EPHA5: variants seen among roughly 807,000 people sequenced by gnomAD.
EPHA5 encodes ephrin type-A receptor 5.
Under a neutral mutation model 105.0 loss-of-function variants are expected in EPHA5, and 60 were observed. The observed-to-expected ratio is 0.57, with a 90% CI of 0.46 to 0.71. The LOEUF is 0.71. EPHA5 is among the 30% of genes least tolerant of loss of function. The pLI, the probability that EPHA5 is intolerant of heterozygous loss-of-function variation, is 0.00. For synonymous variants in EPHA5, 513 were observed against 449.1 expected, an observed-to-expected ratio of 1.14 and a Z score of -1.80; for missense variants, 1,218 against 1,274.7, an observed-to-expected ratio of 0.96 and a Z score of 0.68.
At chr4:65,480,294 G>C (rs1730229006) in intron 5 of EPHA5, among the ~76,000 whole-genome samples, 1 of 152,088 alleles carries the variant, frequency 6.6e-6, no homozygotes, top group Non-Finnish European at 1.5e-5. Flanking sequence ...AACTTCATTG[G>C]AATGCATTAT....
chr4:65,525,899 G>T (rs941876971), intron 3 of EPHA5, among the ~76,000 whole-genome samples: 1 of 151,720 alleles, frequency 6.6e-6, no homozygotes, highest in African/African-American at 2.4e-5. Flanking sequence ...TTTTGGTAGG[G>T]GTCGCTGTCT....
At chr4:65,642,705 A>G (rs1253365178) in intron 2 of EPHA5, among the ~76,000 whole-genome samples, 2 of 151,952 alleles carry the variant, frequency 1.3e-5, no homozygotes, top group Non-Finnish European at 1.5e-5. Context: ...TTGAAAATGA[A>G]AATTTTGCCT....
chr4:65,615,654 A>T (rs1196341476), intron 2 of EPHA5, among the ~76,000 whole-genome samples: 2 of 151,996 alleles, frequency 1.3e-5, no homozygotes, highest in Non-Finnish European at 2.9e-5. Context: ...AAAAGTGTAT[A>T]AATATGGGAA....
intron 4 of EPHA5, 38 bp from the exon 5 acceptor site, chr4:65,490,750 G>T (rs376226283): frequency 6.3e-6 from 10 of 1,584,790 alleles, no homozygotes; most frequent in Non-Finnish European, 8.6e-6. Context: ...CATATTTTAA[G>T]ATGGTATTAA....
intron 3 of EPHA5, among the ~76,000 whole-genome samples, chr4:65,516,250 CAT>C (rs757759114): frequency 4.6e-5 from 7 of 152,040 alleles, no homozygotes; most frequent in Admixed American, 1.3e-4. Context: ...TTGTTTAACA[CAT>C]GTTTTGTATG....
intron 8 of EPHA5, among the ~76,000 whole-genome samples, chr4:65,371,765 C>A (rs1718496310): frequency 6.6e-6 from 1 of 151,974 alleles, no homozygotes; most frequent in African/African-American, 2.4e-5. Flanking sequence ...ACTATCAGAT[C>A]TTTCCATTGC....
At chr4:65,370,434 A>G (rs1416611381) in intron 8 of EPHA5, among the ~76,000 whole-genome samples, 1 of 152,130 alleles carries the variant, frequency 6.6e-6, no homozygotes, top group Non-Finnish European at 1.5e-5. Flanking sequence ...TTATTTAAAT[A>G]ATACTGACAA....
At chr4:65,584,888 T>C (rs1253014536) in intron 3 of EPHA5, among the ~76,000 whole-genome samples, 1 of 152,018 alleles carries the variant, frequency 6.6e-6, no homozygotes, top group Non-Finnish European at 1.5e-5. Flanking sequence ...GCCTTCTTTT[T>C]TCTTTTTAAC....
chr4:65,621,616 TA>T (rs1476304755), intron 2 of EPHA5, among the ~76,000 whole-genome samples: 1 of 152,058 alleles, frequency 6.6e-6, no homozygotes, highest in East Asian at 1.9e-4. Context: ...AACATCAAAG[TA>T]AGGTGTGTTC....
At chr4:65,662,596 G>A (rs1426094314) in intron 1 of EPHA5, among the ~76,000 whole-genome samples, 1 of 152,044 alleles carries the variant, frequency 6.6e-6, no homozygotes, top group South Asian at 2.1e-4. Flanking sequence ...AACAACAAAT[G>A]TATGAAACAA....
At chr4:65,473,097 C>G (rs1162186882) in intron 5 of EPHA5, among the ~76,000 whole-genome samples, 1 of 152,098 alleles carries the variant, frequency 6.6e-6, no homozygotes, top group Non-Finnish European at 1.5e-5. Flanking sequence ...CAAGAATGAC[C>G]TTTTCTCCAG....
chr4:65,485,138 T>C (rs1022697767), intron 5 of EPHA5, among the ~76,000 whole-genome samples: 11 of 151,832 alleles, frequency 7.2e-5, no homozygotes, highest in African/African-American at 2.7e-4. Context: ...TATCCTCTAA[T>C]TTGTATATCC....
rs911901018 is a variant in EPHA5 at position 65,351,703 on chromosome 4, A to T, written c.2236-105T>A. On this transcript the variant is annotated intron_variant, in intron 12 of 16. Transcript: ENST00000613740. ...CAAATTGATACTATCAGTCGCTAAA[A>T]TTCATATGCAATTTCTATCTGAAGG... 4 of 926,816 alleles carry T rather than the reference A, an allele frequency of 4.3e-6. No individual in the cohort carries two copies. The African/African-American group carries it at 6.7e-5, about 15-fold the overall frequency. The allele number at this position is 926,816 out of a possible 1,614,324, so 57.4% of individuals were successfully genotyped here.
chr4:65,521,816 G>A (rs1280793646), intron 3 of EPHA5, among the ~76,000 whole-genome samples: 1 of 151,898 alleles, frequency 6.6e-6, no homozygotes, highest in Non-Finnish European at 1.5e-5. Flanking sequence ...TTCCCACCCT[G>A]ACAAATCCAT....
intron 3 of EPHA5, among the ~76,000 whole-genome samples, chr4:65,556,071 T>C (rs1024847773): frequency 6.6e-6 from 1 of 152,176 alleles, no homozygotes; most frequent in South Asian, 2.1e-4. Flanking sequence ...TCAATTCTTA[T>C]TGATATTTTA....
chr4:65,420,276 G>T (rs748390111), intron 6 of EPHA5, among the ~76,000 whole-genome samples, 165 bp downstream of exon 6: 1 of 152,086 alleles, frequency 6.6e-6, no homozygotes, highest in Non-Finnish European at 1.5e-5. Context: ...AACATGAATA[G>T]AGAGCTCCCT....
rs888862600 is a variant in EPHA5, at chr4:65,331,148, G to T, written c.2945+825C>A. The T allele has an allele frequency of 5.8e-6, 6 of 1,031,172 alleles. No homozygotes were observed. The African/African-American group carries it at 6.7e-5, about 12-fold the overall frequency. The allele number at this position is 1,031,172 out of a possible 1,614,324, so 63.9% of individuals were successfully genotyped here. A position where few individuals can be genotyped will look rare whatever the true frequency, so the allele number is the denominator to read the frequency against. Reference sequence around the variant, plus strand: ...TTACAATATTTTAACCTTTGAATTGGCAGGTAATTTGAAGTAAGTTATCAT... The same window carrying T: ...TTACAATATTTTAACCTTTGAATTGTCAGGTAATTTGAAGTAAGTTATCAT... On this transcript the variant is annotated intron_variant, in intron 16 of 16. Coordinates refer to ENST00000613740, the MANE Select transcript of EPHA5 (RefSeq NM_001281766.3).
chr4:65,466,909 C>T (rs945304050), intron 5 of EPHA5, among the ~76,000 whole-genome samples: 3 of 152,042 alleles, frequency 2.0e-5, no homozygotes, highest in Admixed American at 6.6e-5. Flanking sequence ...ATTTCCTTTT[C>T]GTTCTACACA....
At chr4:65,577,139 A>G (rs1410896526) in intron 3 of EPHA5, among the ~76,000 whole-genome samples, 1 of 152,176 alleles carries the variant, frequency 6.6e-6, no homozygotes, top group African/African-American at 2.4e-5. Flanking sequence ...TTTGTTTGTT[A>G]ATTATTATTT....
Sources: gnomAD v4.1 joint callset for allele counts (sites outside exome capture counted in the v4.1 genomes callset) on GRCh38, gnomAD v4.1.1 for gene constraint, MANE v1.5 for transcripts, NCBI Gene and HGNC (gene_info 2026-07-23, HGNC 2026-07-21) for gene names.